The following KSR2 variants were observed in gnomAD, a reference collection of about 807,000 sequenced individuals.
KSR2 encodes the protein kinase suppressor of ras 2.
A neutral mutation model predicts 107.8 loss-of-function variants in KSR2; 25 were observed. The observed-to-expected ratio is 0.23, with a 90% CI of 0.17 to 0.32. The LOEUF is 0.32. KSR2 is among the 10% of genes least tolerant of loss of function. KSR2 has a pLI of 1.00. For synonymous variants in KSR2, 480 were observed against 507.0 expected (o/e 0.95, Z 0.71); for missense variants, 887 against 1,268.9 (o/e 0.70, Z 4.57).
intron 3 of KSR2, among the ~76,000 whole-genome samples, chr12:117,772,411 C>G (rs1889522633): frequency 7.2e-6 from 1 of 139,482 alleles, no homozygotes; most frequent in African/African-American, 2.8e-5. Flanking sequence ...AACACACACT[C>G]ATACACACAC....
intron 5 of KSR2, among the ~76,000 whole-genome samples, chr12:117,629,378 G>A (rs1388684109): frequency 6.6e-6 from 1 of 152,158 alleles, no homozygotes; most frequent in African/African-American, 2.4e-5. Flanking sequence ...ACTTAAAACT[G>A]CTTACATTCA....
chr12:117,634,465 G>A (rs1882960005), intron 5 of KSR2, among the ~76,000 whole-genome samples: 1 of 152,096 alleles, frequency 6.6e-6, no homozygotes, highest in Non-Finnish European at 1.5e-5. Context: ...TCAGTCAGTT[G>A]CCAGACCAAA....
At chr12:117,783,875 T>G (rs1889970394) in intron 3 of KSR2, among the ~76,000 whole-genome samples, 1 of 152,020 alleles carries the variant, frequency 6.6e-6, no homozygotes, top group Admixed American at 6.6e-5. Context: ...CCCAGCCATG[T>G]CCCAAAATCA....
intron 5 of KSR2, among the ~76,000 whole-genome samples, chr12:117,590,619 C>A (rs917502706): frequency 6.6e-6 from 1 of 152,150 alleles, no homozygotes; most frequent in Non-Finnish European, 1.5e-5. Flanking sequence ...TAGAACATGA[C>A]AAAGCTCTGT....
chr12:117,795,330 C>G (rs528218989), intron 3 of KSR2, among the ~76,000 whole-genome samples: 1 of 152,192 alleles, frequency 6.6e-6, no homozygotes, highest in Non-Finnish European at 1.5e-5. Context: ...ACCTTCCTGG[C>G]GACATCATCT....
chr12:117,818,487 C>A (rs765456376), intron 3 of KSR2, among the ~76,000 whole-genome samples: 9 of 152,148 alleles, frequency 5.9e-5, no homozygotes, highest in Non-Finnish European at 1.0e-4. Context: ...GAGACACAAA[C>A]GACTCACAGC....
intron 3 of KSR2, among the ~76,000 whole-genome samples, chr12:117,789,408 C>A (rs1398142280): frequency 6.6e-6 from 1 of 152,170 alleles, no homozygotes; most frequent in Non-Finnish European, 1.5e-5. Context: ...ACTTACTTTT[C>A]CCCCAGGCAT....
chr12:117,553,579 C>T (rs1877456578), intron 9 of KSR2, among the ~76,000 whole-genome samples: 1 of 152,108 alleles, frequency 6.6e-6, no homozygotes, highest in African/African-American at 2.4e-5. Context: ...CAGTGCCCTC[C>T]CGATCCTTGG....
rs182486830 is a variant in KSR2 at position 117,906,388 on chromosome 12, C to T, written c.181-45957G>A. Reference sequence around the variant, plus strand: ...AAAAAAAAAAAAAACTTGCCTTGATCACCTGAGATCAGGAGTTCGAGACCA... The same window carrying T: ...AAAAAAAAAAAAAACTTGCCTTGATTACCTGAGATCAGGAGTTCGAGACCA... On this transcript the variant is annotated intron_variant, in intron 1 of 19. Coordinates refer to ENST00000339824, the MANE Select transcript of KSR2 (RefSeq NM_173598.6). 1.4e-5 allele frequency among the ~76,000 whole-genome samples: 2 copies of T among 142,800 alleles called. 1 individual carries two copies. Among genetic ancestry groups the T allele is most frequent in the Non-Finnish European group, 3.0e-5 (2 of 66,648 alleles). The allele number at this position is 142,800 out of a possible 152,430, so 93.7% of individuals were successfully genotyped here. A position where few individuals can be genotyped will look rare whatever the true frequency, so the allele number is the denominator to read the frequency against.
chr12:117,636,572 G>C lies in KSR2; in HGVS notation c.1171+30902C>G, dbSNP rs563800643. Among the ~76,000 whole-genome samples the C allele has an allele frequency of 2.0e-5, 3 of 152,164 alleles. No individual in the cohort carries two copies. In the East Asian group the frequency reaches 5.8e-4, roughly 29 times the overall value. ...ATGACAGATGAGTAGAGGAAGGAAG[G>C]TTATTCAATAAACGCCACTAGGCAA... On this transcript the variant is annotated intron_variant, in intron 5 of 19. Transcript: ENST00000339824.
At chr12:117,568,531 C>T (rs1007870697) in intron 7 of KSR2, among the ~76,000 whole-genome samples, 2 of 151,772 alleles carry the variant, frequency 1.3e-5, no homozygotes, top group Non-Finnish European at 2.9e-5. Flanking sequence ...GTTTGAGTAA[C>T]AGATCCACAC....
chr12:117,856,049 C>T (rs1475733782), intron 2 of KSR2, among the ~76,000 whole-genome samples: 1 of 152,094 alleles, frequency 6.6e-6, no homozygotes, highest in Non-Finnish European at 1.5e-5. Flanking sequence ...TGCTTCCTCT[C>T]TTCTCTGGCT....
chr12:117,750,817 G>A (rs1888586151), intron 4 of KSR2, among the ~76,000 whole-genome samples: 1 of 152,154 alleles, frequency 6.6e-6, no homozygotes, highest in Non-Finnish European at 1.5e-5. Flanking sequence ...CTGCATCCAT[G>A]TTGCCACAAG....
At chr12:117,876,235 G>A (rs533059097) in intron 1 of KSR2, among the ~76,000 whole-genome samples, 1 of 152,368 alleles carries the variant, frequency 6.6e-6, no homozygotes, top group East Asian at 1.9e-4. Context: ...TGACGGGGGA[G>A]AGAATTATTT....
chr12:117,702,889 G>A (rs765436664), intron 4 of KSR2, among the ~76,000 whole-genome samples: 3 of 152,198 alleles, frequency 2.0e-5, no homozygotes, highest in Non-Finnish European at 2.9e-5. Flanking sequence ...GTTATTACAT[G>A]TTTGGGCCAT....
rs1296685355 is a variant in KSR2 at position 117,461,252 on chromosome 12, A to G, written c.*5947T>C. On this transcript the variant is annotated 3_prime_UTR_variant, in exon 20 of 20. Coordinates refer to ENST00000339824, the MANE Select transcript of KSR2 (RefSeq NM_173598.6). ...ATCACGCTGTACTCCAGCCTGGGTG[A>G]CAGAGCAAGACTCTAACTCTAAACC... is the stretch of plus-strand genomic sequence containing the variant. 6.6e-6 allele frequency: 1 copy of G among 152,266 alleles called. No individual in the cohort carries two copies. The highest frequency in any genetic ancestry group is 1.5e-5 in the Non-Finnish European group (1 of 68,114). The allele number at this position is 152,266 out of a possible 1,614,324, so 9.4% of individuals were successfully genotyped here.
intron 1 of KSR2, among the ~76,000 whole-genome samples, chr12:117,961,136 C>A (rs572304180): frequency 6.6e-6 from 1 of 152,234 alleles, no homozygotes; most frequent in African/African-American, 2.4e-5. Context: ...ACTTCATTCT[C>A]CATTTTCTTT....
intron 7 of KSR2, among the ~76,000 whole-genome samples, chr12:117,566,322 G>A (rs1271136612): frequency 1.3e-5 from 2 of 152,158 alleles, no homozygotes; most frequent in Admixed American, 6.5e-5. Flanking sequence ...GTTTCACCAT[G>A]TTGGCCAGGA....
intron 4 of KSR2, among the ~76,000 whole-genome samples, chr12:117,680,039 A>C (rs1318897206): frequency 6.6e-6 from 1 of 152,284 alleles, no homozygotes; most frequent in South Asian, 2.1e-4. Context: ...GTTCTACACT[A>C]CCTGTCCACA....
Sources: allele counts gnomAD v4.1 joint callset (sites outside exome capture counted in the v4.1 genomes callset), GRCh38; gene constraint gnomAD v4.1.1; transcripts MANE v1.5; gene names NCBI Gene and HGNC (gene_info 2026-07-23, HGNC 2026-07-21).